Variants in RETREG1 observed in about 807,000 individuals in gnomAD.
RETREG1 encodes the protein family with sequence similarity 134 member B.
Under a neutral mutation model 54.8 loss-of-function variants are expected in RETREG1, and 44 were observed. That is an observed-to-expected ratio of 0.80 (90% CI 0.63 to 1.03). The LOEUF (loss-of-function observed/expected upper bound fraction) is 1.03, where lower values mean the gene tolerates loss of function less well. RETREG1 is among the 50% of genes least tolerant of loss of function. The probability of loss-of-function intolerance (pLI) is 0.00; values close to 1 mark genes in which losing one functional copy is unlikely to be tolerated. For missense variants in RETREG1, 554 were observed against 605.1 expected (o/e 0.92, Z 0.89); for synonymous variants, 217 against 238.5 (o/e 0.91, Z 0.83).
chr5:16,492,468 T>TAA (rs74869826), intron 3 of RETREG1, among the ~76,000 whole-genome samples: 5 of 133,940 alleles, frequency 3.7e-5, no homozygotes, highest in Non-Finnish European at 4.9e-5. Flanking sequence ...TTGACAAACT[T>TAA]AAAAAAAAAA....
At position 16,546,342 on chromosome 5, in the gene RETREG1, G is replaced by A. The variant is rs7701151; in HGVS notation, c.458+19421C>T. On this transcript the variant is annotated intron_variant, in intron 3 of 8. Coordinates refer to ENST00000306320, the MANE Select transcript of RETREG1 (RefSeq NM_001034850.3). ...TACCACCATGCCCAGCTAATTTTTC[G>A]TTTTTTGTAGCAACTTGGCCTTGCT... Among the ~76,000 whole-genome samples the A allele has an allele frequency of 6.2e-4, 95 of 152,120 alleles. No homozygotes were observed. In the East Asian group the frequency reaches 0.011, roughly 17 times the overall value.
chr5:16,560,749 T>C lies in RETREG1; in HGVS notation c.458+5014A>G, dbSNP rs116919038. On this transcript the variant is annotated intron_variant, in intron 3 of 8. Coordinates refer to ENST00000306320, the MANE Select transcript of RETREG1 (RefSeq NM_001034850.3). ...AAAGATCTACTTATCAGTCACTGTATTTTGTTCTTGAAATAAAGTGTTCTT... is the reference window on the plus strand; with the variant it reads ...AAAGATCTACTTATCAGTCACTGTACTTTGTTCTTGAAATAAAGTGTTCTT... 1.6e-3 allele frequency among the ~76,000 whole-genome samples: 238 copies of C among 152,356 alleles called. 7 individuals carry two copies. In the East Asian group the frequency reaches 0.043, roughly 27 times the overall value.
intron 5 of RETREG1, among the ~76,000 whole-genome samples, chr5:16,479,545 C>T (rs2126514212): frequency 6.6e-6 from 1 of 152,176 alleles, no homozygotes; most frequent in African/African-American, 2.4e-5. Flanking sequence ...ATGCCTTGCC[C>T]AAATTATTCT....
rs556135695 is a variant in RETREG1 at position 16,529,937 on chromosome 5, C to T, written c.458+35826G>A. On this transcript the variant is annotated intron_variant, in intron 3 of 8. Transcript: ENST00000306320. ...CAAGTCCAAGCAGAGCCTGATGTAG[C>T]TTGACCTGCTTCCAAAGAGCAGCAC... 8.5e-5 allele frequency among the ~76,000 whole-genome samples: 13 copies of T among 152,272 alleles called. No homozygotes were observed. In the East Asian group the frequency reaches 2.5e-3, roughly 29 times the overall value.
rs1742940458 is a variant in RETREG1, at chr5:16,597,634, C to A, written c.320+19018G>T. 6.6e-6 allele frequency among the ~76,000 whole-genome samples: 1 copy of A among 152,122 alleles called. No homozygotes were observed. The highest frequency in any genetic ancestry group is 2.1e-4 in the South Asian group (1 of 4,824). The stretch of plus-strand genomic sequence containing the variant: ...ACCTGCACTGCCCTTGGTCCTCCCC[C>A]ACCCACAAGAGTGACCCCACCAGTG... On this transcript the variant is annotated intron_variant, in intron 1 of 8. Coordinates refer to ENST00000306320, the MANE Select transcript of RETREG1 (RefSeq NM_001034850.3). The surrounding 1 kb of genome is among the most constrained non-coding windows in gnomAD (Gnocchi z 4.3).
intron 3 of RETREG1, among the ~76,000 whole-genome samples, chr5:16,550,287 A>AG (rs35012644): frequency 6.8e-6 from 1 of 148,078 alleles, no homozygotes; most frequent in East Asian, 2.0e-4. Context: ...AAAAAAAAAA[A>AG]GCGTTAAAGG....
intron 1 of RETREG1, among the ~76,000 whole-genome samples, chr5:16,573,355 G>T (rs1742235696): frequency 6.6e-6 from 1 of 152,002 alleles, no homozygotes. Flanking sequence ...CTTTTTTTGG[G>T]TGTGTTTGTA....
At chr5:16,574,065 C>T (rs1579698437) in intron 1 of RETREG1, among the ~76,000 whole-genome samples, 2 of 151,992 alleles carry the variant, frequency 1.3e-5, no homozygotes, top group South Asian at 2.1e-4. Context: ...TTTATAGAAG[C>T]GGCACTTAAC....
At chr5:16,546,844 T>G (rs1201673400) in intron 3 of RETREG1, among the ~76,000 whole-genome samples, 1 of 152,238 alleles carries the variant, frequency 6.6e-6, no homozygotes, top group Non-Finnish European at 1.5e-5. Context: ...CTGATGATGA[T>G]GTAATACTTA....
At chr5:16,589,944 C>G (rs996749802) in intron 1 of RETREG1, among the ~76,000 whole-genome samples, 1 of 152,172 alleles carries the variant, frequency 6.6e-6, no homozygotes, top group African/African-American at 2.4e-5. Context: ...CACTCCGATT[C>G]TCTCCTATGG....
intron 3 of RETREG1, among the ~76,000 whole-genome samples, chr5:16,543,586 G>A (rs1012911863): frequency 1.2e-4 from 18 of 150,984 alleles, no homozygotes; most frequent in African/African-American, 4.4e-4. Context: ...TGAGGCAGGA[G>A]AATCACTTGA....
intron 3 of RETREG1, among the ~76,000 whole-genome samples, chr5:16,544,318 T>C (rs1474205394): frequency 6.6e-6 from 1 of 152,172 alleles, no homozygotes; most frequent in Non-Finnish European, 1.5e-5. Flanking sequence ...CTGGAAAAAA[T>C]GTATTTTATC....
chr5:16,564,469 A>G (rs1282425037), intron 3 of RETREG1, among the ~76,000 whole-genome samples: 1 of 152,236 alleles, frequency 6.6e-6, no homozygotes, highest in Non-Finnish European at 1.5e-5. Context: ...CATTCCAAAC[A>G]CATGACTGTT....
chr5:16,508,660 T>C lies in RETREG1; in HGVS notation c.459-25188A>G, dbSNP rs770443188. The C allele has an allele frequency of 3.1e-6, 5 of 1,613,414 alleles. No individual in the cohort carries two copies. In the East Asian group the frequency reaches 6.7e-5, roughly 22 times the overall value. On this transcript the variant is annotated intron_variant, in intron 3 of 8. Transcript: ENST00000306320. ...CAGTGGCAAAGGCTGCAGCACCTGC[T>C]AACCACGGCTAATGTGGCCAAACAA...
chr5:16,522,950 G>A (rs1035388269), intron 3 of RETREG1, among the ~76,000 whole-genome samples: 4 of 151,998 alleles, frequency 2.6e-5, no homozygotes. Flanking sequence ...AGGTTACAGT[G>A]AGCTGTGACT....
At chr5:16,483,562 C>T (rs1433320667) in intron 3 of RETREG1, 90 bp from the exon 4 acceptor site, 10 of 1,364,572 alleles carry the variant, frequency 7.3e-6, no homozygotes, top group South Asian at 1.2e-5. Context: ...TGAGCATCTA[C>T]TGTTGGCCAC....
chr5:16,502,731 A>C (rs170805), intron 3 of RETREG1, among the ~76,000 whole-genome samples: 72,831 of 152,060 alleles, frequency 0.48, 18,117 homozygotes, highest in Middle Eastern at 0.58. Context: ...CAGCTATAAC[A>C]TCCTTTAGTG....
chr5:16,577,805 G>GT (rs1331685591), intron 1 of RETREG1, among the ~76,000 whole-genome samples: 8 of 152,094 alleles, frequency 5.3e-5, no homozygotes, highest in Admixed American at 3.3e-4. Flanking sequence ...AGATCTGATG[G>GT]TTTTGTCAGG....
rs561114434 is a variant in RETREG1 at position 16,616,696 on chromosome 5, C to A, written c.276G>T (p.Pro92=). ...CGACGAAGCCGAGCAGGCTCCGCAG[C>A]GGCCTCTTCCAGCTCAGCAGCTCGT... ...RADELLSWKR[P]LRSLLGFVAA... The change falls in exon 1 of 9, where the codon CCG becomes CCT. Residue 92 remains proline, a synonymous_variant. Coordinates refer to ENST00000306320, the MANE Select transcript of RETREG1 (RefSeq NM_001034850.3). 5.6e-5 allele frequency: 90 copies of A among 1,594,912 alleles called. No individual in the cohort carries two copies. In the South Asian group the frequency reaches 9.7e-4, roughly 17 times the overall value.
Sources: allele counts gnomAD v4.1 joint callset (sites outside exome capture counted in the v4.1 genomes callset), GRCh38; gene constraint gnomAD v4.1.1; non-coding constraint Gnocchi (gnomAD v3.1); transcripts MANE v1.5; gene names NCBI Gene and HGNC (gene_info 2026-07-23, HGNC 2026-07-21).